Variants in SYNE1 observed in about 807,000 individuals in gnomAD.
The protein encoded by SYNE1 is spectrin repeat containing nuclear envelope protein 1.
A neutral mutation model predicts 1,111.0 loss-of-function variants in SYNE1; 616 were observed. That is an observed-to-expected ratio of 0.55 (90% confidence interval 0.52 to 0.59). The LOEUF is 0.59. SYNE1 is among the 20% of genes least tolerant of loss of function. SYNE1 has a pLI of 0.00. For missense variants in SYNE1, 10,006 were observed against 10,417.0 expected (o/e 0.96, Z 1.72); for synonymous variants, 3,855 against 3,825.8 (o/e 1.01, Z -0.28).
At chr6:152,485,433 A>G (rs1295403489) in intron 12 of SYNE1, among the ~76,000 whole-genome samples, 2 of 152,234 alleles carry the variant, frequency 1.3e-5, no homozygotes, top group African/African-American at 4.8e-5. Context: ...GCATATATCA[A>G]AATAATGCAG....
At chr6:152,472,215 A>G (rs2098810043) in intron 15 of SYNE1, 86 bp downstream of exon 15, 1 of 1,248,352 alleles carries the variant, frequency 8.0e-7, no homozygotes, top group Non-Finnish European at 1.1e-6. Flanking sequence ...TGTTAAAAAA[A>G]AATCATGAAA....
At chr6:152,538,881 T>C (rs563473245) in intron 4 of SYNE1, among the ~76,000 whole-genome samples, 2 of 152,156 alleles carry the variant, frequency 1.3e-5, no homozygotes, top group Admixed American at 6.5e-5. Flanking sequence ...TCTAGGCTTC[T>C]TTCATGGCTG....
chr6:152,488,654 A>ACCTGT, intron 11 of SYNE1, 151 bp from the exon 12 acceptor site: 1 of 535,386 alleles, frequency 1.9e-6, no homozygotes, highest in South Asian at 3.1e-5. Context: ...CACCTTTAGG[A>ACCTGT]CAGTAAGAAG....
Position 152,239,573 on chromosome 6 carries a change from C to T in SYNE1, c.20027G>A (p.Arg6676Gln), listed in dbSNP as rs190673256. ...CAGCTCCACACCCCTCTTGTGAGCCCGTTTCAGTACAGCAGAAGCCTGAGC... is the reference window on the plus strand; with the variant it reads ...CAGCTCCACACCCCTCTTGTGAGCCTGTTTCAGTACAGCAGAAGCCTGAGC... ...LMAQASAVLKRAHKRGVELEY... is the reference protein window; with the variant it reads ...LMAQASAVLKQAHKRGVELEY... The change falls in exon 108 of 146, where the codon CGG becomes CAG. Residue 6676 changes from arginine to glutamine, a missense_variant. Physicochemically the swap from Arg to Gln is conservative, Grantham distance 43. Around this residue, in one of 7 missense-constraint regions of SYNE1, gnomAD observed 2,182 missense variants for 2,287.8 expected, o/e 0.95. Transcript: ENST00000367255. 80 of 1,614,142 alleles carry T rather than the reference C, an allele frequency of 5.0e-5. No homozygotes were observed. The East Asian group carries it at 1.5e-3, about 30-fold the overall frequency.
chr6:152,135,451 G>T (rs1049044296), intron 141 of SYNE1, among the ~76,000 whole-genome samples: 1 of 152,304 alleles, frequency 6.6e-6, no homozygotes, highest in East Asian at 1.9e-4. Flanking sequence ...CAATTTAGAC[G>T]AAAGGAAAAC....
At chr6:152,221,144 T>C in intron 118 of SYNE1, 98 bp from the exon 119 acceptor site, 4 of 1,282,588 alleles carry the variant, frequency 3.1e-6, no homozygotes, top group South Asian at 1.2e-5. Flanking sequence ...CATGTGAATA[T>C]AGACATAATC....
Position 152,336,898 on chromosome 6 carries a change from C to T in SYNE1, c.12471G>A (p.Lys4157=), listed in dbSNP as rs1014589530. The part of the protein sequence containing the change: ...QDADQQLQNM[K]RRHSELELNI... ...TCAGCTCCAGCTCAGAGTGCCTCCT[C>T]TTCATGTTCTGCAGTTGCTGATCAG... The change falls in exon 76 of 146, where the codon AAG becomes AAA. Residue 4157 remains lysine (K), a synonymous_variant. Transcript: ENST00000367255. The T allele has an allele frequency of 9.3e-6, 15 of 1,614,062 alleles. No individual in the cohort carries two copies. Among genetic ancestry groups the T allele is most frequent in the African/African-American group, 5.3e-5 (4 of 74,936 alleles).
chr6:152,459,240 A>G (rs923222070), intron 21 of SYNE1, among the ~76,000 whole-genome samples: 5 of 152,178 alleles, frequency 3.3e-5, no homozygotes, highest in Non-Finnish European at 5.9e-5. Flanking sequence ...GCATCAAATT[A>G]TACTTCATAA....
At chr6:152,567,360 T>A (rs1362620751) in intron 3 of SYNE1, among the ~76,000 whole-genome samples, 1 of 152,224 alleles carries the variant, frequency 6.6e-6, no homozygotes, top group African/African-American at 2.4e-5. Context: ...AAAAAGATTT[T>A]TTTCCCATTA....
rs550769079 is a variant in SYNE1, at chr6:152,472,745, C to T, written c.1351-332G>A. ...TATGAAATGATTTTAGTATTTTTTG[C>T]CTTTCTGGATATGTTGGTTTTTAAA... On this transcript the variant is annotated intron_variant, in intron 14 of 145. Transcript: ENST00000367255. The T allele has an allele frequency of 2.3e-5, 15 of 646,340 alleles. No homozygotes were observed. The South Asian group carries it at 2.7e-4, about 11-fold the overall frequency. The allele number at this position is 646,340 out of a possible 1,614,324, so 40.0% of individuals were successfully genotyped here.
chr6:152,277,886 T>C (rs1200581468), intron 98 of SYNE1: 7 of 659,574 alleles, frequency 1.1e-5, no homozygotes, highest in South Asian at 3.3e-5. Flanking sequence ...CTGTTGTTAG[T>C]AGTCCTAACA....
intron 5 of SYNE1, among the ~76,000 whole-genome samples, chr6:152,523,644 G>A (rs2099150958): frequency 6.6e-6 from 1 of 152,138 alleles, no homozygotes; most frequent in Non-Finnish European, 1.5e-5. Context: ...TCTTTGGGCA[G>A]TATGGTCATT....
intron 144 of SYNE1, 142 bp downstream of exon 144, chr6:152,131,980 G>A (rs1032463249): frequency 2.9e-6 from 2 of 679,486 alleles, no homozygotes. Context: ...GGATGTGGCA[G>A]GGCTGAGGAA....
At chr6:152,428,792 G>T (rs1459408478) in intron 36 of SYNE1, among the ~76,000 whole-genome samples, 12 of 152,052 alleles carry the variant, frequency 7.9e-5, no homozygotes, top group Non-Finnish European at 1.5e-4. Flanking sequence ...CTGTGCCCAT[G>T]ATTTGCAGCA....
At chr6:152,461,865 T>G (rs1159688166) in intron 20 of SYNE1, 125 bp from the exon 21 acceptor site, 1 of 1,244,350 alleles carries the variant, frequency 8.0e-7, no homozygotes, top group East Asian at 2.4e-5. Flanking sequence ...CACTAAACTT[T>G]CGACGATTCC....
At chr6:152,139,354 T>C (rs965827392) in intron 140 of SYNE1, among the ~76,000 whole-genome samples, 13 of 151,972 alleles carry the variant, frequency 8.6e-5, no homozygotes, top group Non-Finnish European at 1.5e-4. Flanking sequence ...GTGGATCACC[T>C]GGGGTTAGGA....
intron 11 of SYNE1, among the ~76,000 whole-genome samples, chr6:152,496,955 G>A (rs376110416): frequency 2.6e-5 from 4 of 151,906 alleles, no homozygotes; most frequent in African/African-American, 7.2e-5. Flanking sequence ...GCTCCCCACC[G>A]AGCACCTTGT....
intron 32 of SYNE1, 92 bp downstream of exon 32, chr6:152,441,038 A>G (rs562335366): frequency 4.2e-5 from 62 of 1,471,672 alleles, no homozygotes; most frequent in Non-Finnish European, 5.3e-5. Context: ...TAAATTAACA[A>G]TAACAATTAA....
intron 104 of SYNE1, among the ~76,000 whole-genome samples, chr6:152,249,896 G>A (rs1187748420): frequency 2.6e-5 from 4 of 152,082 alleles, no homozygotes; most frequent in African/African-American, 4.8e-5. Flanking sequence ...AGTTAGATTT[G>A]TATAAAAAGG....
Sources: allele counts gnomAD v4.1 joint callset (sites outside exome capture counted in the v4.1 genomes callset), GRCh38; gene constraint gnomAD v4.1.1; regional missense constraint gnomAD v4.1.1; transcripts MANE v1.5; gene names NCBI Gene and HGNC (gene_info 2026-07-23, HGNC 2026-07-21).